Variants in LMAN1L observed in about 807,000 individuals in gnomAD.
LMAN1L encodes the protein protein ERGIC-53-like.
Under a neutral mutation model 58.3 loss-of-function variants are expected in LMAN1L, and 60 were observed. The ratio of observed to expected loss-of-function variants is 1.03; its 90% CI spans 0.84 to 1.27. The LOEUF is 1.27. Among genes scored for constraint, LMAN1L ranks in the 50% most tolerant of loss-of-function variants. The pLI is 0.00. For missense variants in LMAN1L, 629 were observed against 674.0 expected, an observed-to-expected ratio of 0.93 and a Z score of 0.74; for synonymous variants, 280 against 271.6, an observed-to-expected ratio of 1.03 and a Z score of -0.31.
chr15:74,817,906 G>C (rs532134583), intron 4 of LMAN1L, among the ~76,000 whole-genome samples: 3 of 151,842 alleles, frequency 2.0e-5, no homozygotes, highest in African/African-American at 4.8e-5. Context: ...CCAGCTACTC[G>C]GGAGGCTGAG....
intron 13 of LMAN1L, 145 bp from the exon 14 acceptor site, chr15:74,825,331 A>G (rs1596381361): frequency 1.2e-6 from 1 of 821,078 alleles, no homozygotes; most frequent in Non-Finnish European, 1.9e-6. Flanking sequence ...GACCATATGC[A>G]GCGGGCCAAA....
intron 13 of LMAN1L, 102 bp downstream of exon 13, chr15:74,824,580 A>C: frequency 7.4e-6 from 10 of 1,351,890 alleles, no homozygotes; most frequent in Non-Finnish European, 1.0e-6. Context: ...CTCAGAGGGG[A>C]CCTGCCGAGT....
chr15:74,820,697 G>A lies in LMAN1L; in HGVS notation c.837G>A (p.Leu279=), dbSNP rs778756080. The A allele has an allele frequency of 5.6e-6, 9 of 1,613,870 alleles. No individual in the cohort carries two copies. Among genetic ancestry groups the A allele is most frequent in the African/African-American group, 2.7e-5 (2 of 74,922 alleles). The change falls in exon 8 of 14, where the codon CTG becomes CTA. Residue 279 remains leucine, a synonymous_variant. Transcript: ENST00000309664. ...QLRLARQLEG[L]WARLGLGTRE... Reference sequence around the variant, plus strand: ...GCCTGGCGAGGCAGCTGGAAGGGCTGTGGGCAAGGCTGGGCTTGGGCACCA... The same window carrying A: ...GCCTGGCGAGGCAGCTGGAAGGGCTATGGGCAAGGCTGGGCTTGGGCACCA...
intron 4 of LMAN1L, among the ~76,000 whole-genome samples, chr15:74,818,067 C>T (rs995507798): frequency 3.3e-5 from 5 of 149,806 alleles, no homozygotes; most frequent in Admixed American, 2.0e-4. Context: ...GGTGATAGGA[C>T]GAGGGTGATA....
intron 4 of LMAN1L, 57 bp downstream of exon 4, chr15:74,816,747 TC>T (rs1318594409): frequency 2.7e-5 from 40 of 1,494,104 alleles, no homozygotes; most frequent in Admixed American, 9.7e-5. Flanking sequence ...GAGGGGCCCA[TC>T]CCCCCCATCC....
intron 9 of LMAN1L, 71 bp downstream of exon 9, chr15:74,821,297 A>T (rs8031811): frequency 1.3e-6 from 2 of 1,498,006 alleles, no homozygotes; most frequent in Admixed American, 4.2e-5. Context: ...GTAGTCAGCA[A>T]CTAGTCTCCC....
At chr15:74,819,808 C>T in intron 6 of LMAN1L, 1 of 596,372 alleles carries the variant, frequency 1.7e-6, no homozygotes, top group South Asian at 1.9e-5. Flanking sequence ...TTGGGATCGT[C>T]CAGTTCTGCC....
At position 74,825,605 on chromosome 15, in the gene LMAN1L, A is replaced by G; in HGVS notation, c.1581A>G (p.Ter527TrpextTer?). The G allele has an allele frequency of 6.2e-7, 1 of 1,609,134 alleles. No individual in the cohort carries two copies. Among genetic ancestry groups the G allele is most frequent in the East Asian group, 2.2e-5 (1 of 44,718 alleles). The change falls in exon 14 of 14, where the codon TGA becomes TGG. Residue 527 changes from the stop codon to tryptophan (W), a stop_lost. Coordinates refer to ENST00000309664, the MANE Select transcript of LMAN1L (RefSeq NM_021819.3). The stretch of plus-strand genomic sequence containing the variant: ...CTCTCCCTGCCAGCATGCCTGCCTG[A>G]CCCACCTCAGAGCCTGCTTTGCATC... Reference protein sequence around the residue: ...RQPLPASMPA* With the variant: ...RQPLPASMPAW
At chr15:74,823,363 T>A (rs2063925657) in intron 11 of LMAN1L, among the ~76,000 whole-genome samples, 196 bp from the exon 12 acceptor site, 1 of 151,976 alleles carries the variant, frequency 6.6e-6, no homozygotes, top group Non-Finnish European at 1.5e-5. Context: ...TTTAGGGAGA[T>A]CTTTATCTGA....
intron 8 of LMAN1L, 27 bp from the exon 9 acceptor site, chr15:74,821,048 C>G: frequency 6.5e-7 from 1 of 1,544,410 alleles, no homozygotes; most frequent in Non-Finnish European, 8.7e-7. Flanking sequence ...GGCTGGCTGC[C>G]CATCCCAGCT....
chr15:74,815,200 A>C (rs1207061765), intron 1 of LMAN1L, among the ~76,000 whole-genome samples: 2 of 152,222 alleles, frequency 1.3e-5, no homozygotes, highest in African/African-American at 4.8e-5. Context: ...AGGATTTCAG[A>C]GGCAGTGACA....
In LMAN1L at chr15:74,816,174, G is replaced by T; in HGVS notation, c.193G>T (p.Glu65Ter). The change falls in exon 2 of 14, where the codon GAG (glutamate) becomes TAG (stop). Residue 65 changes from glutamate (E) to a stop codon, truncating the protein, a stop_gained. Coordinates refer to ENST00000309664, the MANE Select transcript of LMAN1L (RefSeq NM_021819.3). LOFTEE classifies it high-confidence loss of function. ...SHHGDAILGL[E>*]EVRLTPSMRN... The stretch of plus-strand genomic sequence containing the variant: ...GTCCACAGACGCCATCCTGGGCCTG[G>T]AGGAAGTGCGGCTGACGCCATCCAT... 1 of 1,551,708 alleles carries T rather than the reference G, an allele frequency of 6.4e-7. No individual in the cohort carries two copies.
intron 12 of LMAN1L, chr15:74,823,913 T>C: frequency 1.8e-6 from 1 of 564,912 alleles, no homozygotes. Flanking sequence ...TCCCACAGAC[T>C]CAGCAGCAGC....
intron 1 of LMAN1L, chr15:74,813,243 GC>G: frequency 1.5e-6 from 1 of 661,702 alleles, no homozygotes; most frequent in Non-Finnish European, 2.8e-6. Context: ...TTTCTCCTCT[GC>G]CTCTCTGCTT....
chr15:74,825,438 G>T lies in LMAN1L; in HGVS notation c.1452-38G>T, dbSNP rs778840142. ...TGGTTTTTCAAAAGCCCATAAAGGA[G>T]AGACGCAAGTAACCTGTAACCTTCT... On this transcript the variant is annotated intron_variant, in intron 13 of 13. Transcript: ENST00000309664. 11 of 1,584,720 alleles carry T rather than the reference G, an allele frequency of 6.9e-6. No individual in the cohort carries two copies. In the African/African-American group the frequency reaches 1.3e-4, roughly 19 times the overall value.
intron 6 of LMAN1L, 78 bp downstream of exon 6, chr15:74,819,350 C>G: frequency 2.0e-6 from 3 of 1,536,720 alleles, no homozygotes; most frequent in Non-Finnish European, 2.6e-6. Flanking sequence ...CTAAAGAGCA[C>G]TGGGGTGGCG....
At chr15:74,825,416 T>C in intron 13 of LMAN1L, 60 bp from the exon 14 acceptor site, 1 of 1,557,960 alleles carries the variant, frequency 6.4e-7, no homozygotes, top group Non-Finnish European at 8.7e-7. Flanking sequence ...AGAGTCCTGG[T>C]TTTTCAAAAG....
At position 74,816,305 on chromosome 15, in the gene LMAN1L, G is replaced by A. The variant is rs750469395; in HGVS notation, c.324G>A (p.Gln108=). 6.2e-7 allele frequency: 1 copy of A among 1,612,178 alleles called. No homozygotes were observed. Among genetic ancestry groups the A allele is most frequent in the South Asian group, 1.1e-5 (1 of 91,044 alleles). The change falls in exon 2 of 14, where the codon CAG becomes CAA. Residue 108 remains glutamine, a synonymous_variant. Transcript: ENST00000309664. The part of the protein sequence containing the change: ...RVTGLGRRGA[Q]GMAVWYTRGR... ...CGGGACTGGGGCGCCGGGGAGCCCA[G>A]GGCATGGTGAGTGTCCTCTCCCAGA... is the stretch of plus-strand genomic sequence containing the variant.
At chr15:74,819,329 C>G (rs1440366052) in intron 6 of LMAN1L, 57 bp downstream of exon 6, 6 of 1,589,640 alleles carry the variant, frequency 3.8e-6, no homozygotes, top group Non-Finnish European at 5.1e-6. Flanking sequence ...AAATCACCCT[C>G]AGCACACCTT....
Sources: gnomAD v4.1 joint callset for allele counts (sites outside exome capture counted in the v4.1 genomes callset) on GRCh38, gnomAD v4.1.1 for gene constraint, MANE v1.5 for transcripts, NCBI Gene and HGNC (gene_info 2026-07-23, HGNC 2026-07-21) for gene names.